The following BAIAP2 variants were observed in gnomAD, a reference collection of about 807,000 sequenced individuals.
BAIAP2 encodes the protein BAR/IMD domain-containing adapter protein 2.
Under a neutral mutation model 63.0 loss-of-function variants are expected in BAIAP2, and 18 were observed. That is an observed-to-expected ratio of 0.29 (90% CI 0.20 to 0.42). The LOEUF (loss-of-function observed/expected upper bound fraction) is 0.42, where lower values mean the gene tolerates loss of function less well. BAIAP2 is among the 10% of genes least tolerant of loss of function. The pLI is 1.00. For synonymous variants in BAIAP2, 386 were observed against 307.6 expected, an observed-to-expected ratio of 1.25 and a Z score of -2.67; for missense variants, 610 against 734.3, an observed-to-expected ratio of 0.83 and a Z score of 1.96.
chr17:81,035,344 G>T, intron 1 of BAIAP2, 36 bp downstream of exon 1: 7 of 1,280,384 alleles, frequency 5.5e-6, no homozygotes, highest in Non-Finnish European at 7.0e-6. Flanking sequence ...AGCCCGCTCC[G>T]TGTGCGCCTG....
chr17:81,095,090 C>T (rs4969385), intron 6 of BAIAP2, among the ~76,000 whole-genome samples: 34,099 of 152,196 alleles, frequency 0.22, 4,617 homozygotes, highest in Admixed American at 0.36. Flanking sequence ...TAAGTGGGAG[C>T]ATTCTGTGGG....
Position 81,057,972 on chromosome 17 carries a change from G to GCCC in BAIAP2, c.217+5_217+6insCCC. ...GCCAGGGCTCCAAAGAACTCGGTGA[G>GCCC]ACCCCCCCCCCCCCCCCGCCTGGTA... On this transcript the variant is annotated splice_donor_region_variant and intron_variant, in intron 3 of 13. Transcript: ENST00000428708. 4 of 911,320 alleles carry GCCC rather than the reference G, an allele frequency of 4.4e-6. No homozygotes were observed. The highest frequency in any genetic ancestry group is 5.9e-6 in the Non-Finnish European group (4 of 674,546). The allele number at this position is 911,320 out of a possible 1,614,324, so 56.5% of individuals were successfully genotyped here.
At chr17:81,095,127 C>A (rs2057408573) in intron 6 of BAIAP2, among the ~76,000 whole-genome samples, 1 of 152,214 alleles carries the variant, frequency 6.6e-6, no homozygotes, top group African/African-American at 2.4e-5. Context: ...CTGGGTGTTT[C>A]CATAGTGCTG....
chr17:81,049,651 G>A (rs536335373), intron 1 of BAIAP2, among the ~76,000 whole-genome samples: 13 of 152,336 alleles, frequency 8.5e-5, no homozygotes, highest in South Asian at 8.3e-4. Flanking sequence ...GAAAAGCCAC[G>A]TCGGTGTGGC....
intron 13 of BAIAP2, chr17:81,109,038 C>T (rs1185948199): frequency 6.5e-6 from 10 of 1,530,124 alleles, no homozygotes; most frequent in African/African-American, 2.8e-5. Flanking sequence ...GAAGAGCTTC[C>T]GCGCCTTCCC....
intron 7 of BAIAP2, among the ~76,000 whole-genome samples, chr17:81,102,922 A>T (rs1317763234): frequency 6.6e-6 from 1 of 152,184 alleles, no homozygotes; most frequent in Non-Finnish European, 1.5e-5. Flanking sequence ...CCAGTCCCAG[A>T]ACCTTTCTCC....
At chr17:81,112,763 C>A (rs1220283272) in intron 13 of BAIAP2, among the ~76,000 whole-genome samples, 1 of 152,228 alleles carries the variant, frequency 6.6e-6, no homozygotes. Context: ...GGTGAAGCTG[C>A]CGCTTGGCCG....
chr17:81,036,776 T>C, intron 1 of BAIAP2: 1 of 1,176,714 alleles, frequency 8.5e-7, no homozygotes, highest in South Asian at 1.3e-5. Flanking sequence ...CTGGCCTTGT[T>C]GCTCTGTGGA....
chr17:81,052,607 T>TC (rs1320369311), intron 1 of BAIAP2, among the ~76,000 whole-genome samples: 1 of 152,184 alleles, frequency 6.6e-6, no homozygotes, highest in African/African-American at 2.4e-5. Context: ...GATGGAACAC[T>TC]CGTCAAATAG....
chr17:81,055,658 C>T (rs531520289), intron 2 of BAIAP2, among the ~76,000 whole-genome samples: 9 of 149,576 alleles, frequency 6.0e-5, no homozygotes, highest in East Asian at 2.0e-4. Flanking sequence ...CTCTGCCTCC[C>T]GGGTTCACGC....
Position 81,057,969 on chromosome 17 carries a change from T to TGTGGGGGGGGGGGGGGG in BAIAP2, c.217+3_217+4insTGGGGGGGGGGGGGGGG. ...AGAGCCAGGGCTCCAAAGAACTCGGTGAGACCCCCCCCCCCCCCCCGCCTG... is the reference window on the plus strand; with the variant it reads ...AGAGCCAGGGCTCCAAAGAACTCGGTGTGGGGGGGGGGGGGGGGAGACCCCCCCCCCCCCCCCGCCTG... On this transcript the variant is annotated splice_region_variant and intron_variant, in intron 3 of 13. Coordinates refer to ENST00000428708, the MANE Select transcript of BAIAP2 (RefSeq NM_001144888.2). 1.0e-6 allele frequency: 1 copy of TGTGGGGGGGGGGGGGGG among 964,866 alleles called. No homozygotes were observed. Among genetic ancestry groups the TGTGGGGGGGGGGGGGGG allele is most frequent in the Admixed American group, 3.2e-5 (1 of 31,374 alleles). The allele number at this position is 964,866 out of a possible 1,614,324, so 59.8% of individuals were successfully genotyped here.
At chr17:81,068,689 G>C (rs867039675) in intron 3 of BAIAP2, among the ~76,000 whole-genome samples, 3 of 152,208 alleles carry the variant, frequency 2.0e-5, no homozygotes, top group African/African-American at 2.4e-5. Context: ...CCCCAAGCCT[G>C]GTACTGCAGA....
In BAIAP2 at chr17:81,099,838, C is replaced by G. The variant is rs968208980; in HGVS notation, c.490-90C>G. The G allele has an allele frequency of 2.1e-4, 308 of 1,441,068 alleles. 1 individual carries two copies. The highest frequency in any genetic ancestry group is 5.6e-4 in the Middle Eastern group (3 of 5,368). 89.3% of individuals were successfully genotyped at this position (1,441,068 alleles called of 1,614,324 possible). On this transcript the variant is annotated intron_variant, in intron 6 of 13. Transcript: ENST00000428708. ...GCTGCTCTGCATGAATGAGACGTGT[C>G]CTTTGACTGAGTCCGTGGGGCTGCC...
intron 13 of BAIAP2, among the ~76,000 whole-genome samples, chr17:81,112,264 C>T (rs1242008341): frequency 6.6e-6 from 1 of 152,242 alleles, no homozygotes; most frequent in African/African-American, 2.4e-5. Context: ...CAGCCTCTGT[C>T]AGGGACCACG....
chr17:81,058,837 G>GT (rs1189878118), intron 3 of BAIAP2, among the ~76,000 whole-genome samples: 1 of 151,684 alleles, frequency 6.6e-6, no homozygotes, highest in Non-Finnish European at 1.5e-5. Context: ...GACTGGCCCT[G>GT]TTCCCTTCTT....
intron 7 of BAIAP2, among the ~76,000 whole-genome samples, chr17:81,102,533 C>G (rs1020643141): frequency 6.6e-6 from 1 of 152,242 alleles, no homozygotes; most frequent in South Asian, 2.1e-4. Flanking sequence ...AATCGATGCA[C>G]AGCTGTGTTG....
Position 81,066,602 on chromosome 17 carries a change from G to A in BAIAP2, c.217+8635G>A, listed in dbSNP as rs889450349. On this transcript the variant is annotated intron_variant, in intron 3 of 13. Transcript: ENST00000428708. The stretch of plus-strand genomic sequence containing the variant: ...CTCCCTCCGTGTGTGCGGCATCTCT[G>A]CGTCTCTGAAACGTGGGGCCCTGTG... 2.2e-4 allele frequency among the ~76,000 whole-genome samples: 34 copies of A among 152,322 alleles called. No homozygotes were observed. The East Asian group carries it at 2.9e-3, about 13-fold the overall frequency.
chr17:81,060,742 G>T (rs1391746782), intron 3 of BAIAP2, among the ~76,000 whole-genome samples: 1 of 152,158 alleles, frequency 6.6e-6, no homozygotes, highest in Non-Finnish European at 1.5e-5. Context: ...CACCCTCCTA[G>T]TGTGGCCAAG....
intron 1 of BAIAP2, among the ~76,000 whole-genome samples, chr17:81,050,561 A>ACC (rs148753065): frequency 7.5e-4 from 114 of 152,092 alleles, no homozygotes; most frequent in African/African-American, 2.7e-3. Flanking sequence ...AGCCTCTTCC[A>ACC]CCCGGGGGCC....
Sources: gnomAD v4.1 joint callset for allele counts (sites outside exome capture counted in the v4.1 genomes callset) on GRCh38, gnomAD v4.1.1 for gene constraint, MANE v1.5 for transcripts, NCBI Gene and HGNC (gene_info 2026-07-23, HGNC 2026-07-21) for gene names.